TRAM2: variants seen among roughly 807,000 people sequenced by gnomAD.
TRAM2 encodes the protein translocating chain-associated membrane protein 2.
TRAM2 carries 12 observed loss-of-function variants against 51.0 expected under a neutral mutation model. The ratio of observed to expected loss-of-function variants is 0.24; its 90% CI spans 0.15 to 0.38. The LOEUF (loss-of-function observed/expected upper bound fraction) is 0.38. Ranked by LOEUF, TRAM2 falls within the 10% of genes least tolerant of loss-of-function variation. TRAM2 has a pLI of 1.00. For missense variants in TRAM2, 361 were observed against 462.0 expected (o/e 0.78, Z 2.00); for synonymous variants, 175 against 179.4 (o/e 0.98, Z 0.20).
chr6:52,514,664 G>T (rs1766511107), intron 4 of TRAM2, among the ~76,000 whole-genome samples: 1 of 152,236 alleles, frequency 6.6e-6, no homozygotes, highest in Non-Finnish European at 1.5e-5. Context: ...CACAGCTGGG[G>T]TGGAATGTTT....
chr6:52,519,582 T>C (rs748845405), intron 2 of TRAM2, among the ~76,000 whole-genome samples: 12 of 152,214 alleles, frequency 7.9e-5, no homozygotes, highest in South Asian at 4.1e-4. Flanking sequence ...GAAAACAGTA[T>C]AGTGATTCTT....
At chr6:52,528,966 C>G (rs1766834274) in intron 2 of TRAM2, among the ~76,000 whole-genome samples, 1 of 151,406 alleles carries the variant, frequency 6.6e-6, no homozygotes, top group Admixed American at 6.6e-5. Context: ...TCTCAGCTCA[C>G]TGCAACCTCC....
Position 52,503,218 on chromosome 6 carries a change from A to G in TRAM2, c.1092T>C (p.Thr364=), listed in dbSNP as rs761848587. 4 of 1,613,538 alleles carry G rather than the reference A, an allele frequency of 2.5e-6. No individual in the cohort carries two copies. The East Asian group carries it at 8.9e-5, about 36-fold the overall frequency. ...VKAENGTSPR[T]KKLKSP is the part of the protein sequence containing the mutation. ...GGCCTTAGGGAGACTTGAGTTTCTTAGTCCGTGGGGAGGTTCCGTTCTCTG... is the reference window on the plus strand; with the variant it reads ...GGCCTTAGGGAGACTTGAGTTTCTTGGTCCGTGGGGAGGTTCCGTTCTCTG... The change falls in exon 11 of 11, where the codon ACT becomes ACC. Residue 364 remains threonine (T), a synonymous_variant. Coordinates refer to ENST00000182527, the MANE Select transcript of TRAM2 (RefSeq NM_012288.4).
intron 1 of TRAM2, among the ~76,000 whole-genome samples, chr6:52,541,875 G>C (rs113028356): frequency 1.9e-3 from 276 of 148,206 alleles, no homozygotes; most frequent in African/African-American, 6.8e-3. Context: ...ACCAGCCCCC[G>C]GGGGCAGACA....
At chr6:52,543,693 C>T (rs142537950) in intron 1 of TRAM2, among the ~76,000 whole-genome samples, 9 of 152,230 alleles carry the variant, frequency 5.9e-5, no homozygotes, top group African/African-American at 2.2e-4. Flanking sequence ...AAGATGTTTT[C>T]GCTCCGTAAG....
chr6:52,516,557 T>A, intron 3 of TRAM2, 71 bp downstream of exon 3: 1 of 1,319,684 alleles, frequency 7.6e-7, no homozygotes, highest in Non-Finnish European at 1.1e-6. Flanking sequence ...TGCAGTTTCC[T>A]CCAAGGCCAG....
At chr6:52,516,556 C>A in intron 3 of TRAM2, 72 bp downstream of exon 3, 2 of 1,302,076 alleles carry the variant, frequency 1.5e-6, no homozygotes, top group Admixed American at 1.7e-5. Context: ...CTGCAGTTTC[C>A]TCCAAGGCCA....
chr6:52,559,866 T>C (rs982575485), intron 1 of TRAM2, among the ~76,000 whole-genome samples: 5 of 152,110 alleles, frequency 3.3e-5, no homozygotes, highest in Non-Finnish European at 1.5e-5. Context: ...TATCTCAAGT[T>C]TTTTTTTCCC....
At chr6:52,534,954 A>G (rs1454693445) in intron 2 of TRAM2, among the ~76,000 whole-genome samples, 2 of 152,116 alleles carry the variant, frequency 1.3e-5, no homozygotes, top group South Asian at 2.1e-4. Context: ...CTCAGCCACT[A>G]TGGGGGAAGC....
intron 1 of TRAM2, among the ~76,000 whole-genome samples, chr6:52,563,758 G>A (rs1210004903): frequency 6.6e-6 from 1 of 151,566 alleles, no homozygotes; most frequent in Non-Finnish European, 1.5e-5. Flanking sequence ...AGAACAGGTG[G>A]GGAGGGACAG....
chr6:52,566,796 A>G (rs1047915992), intron 1 of TRAM2, among the ~76,000 whole-genome samples: 6 of 151,958 alleles, frequency 3.9e-5, no homozygotes, highest in Non-Finnish European at 8.8e-5. Context: ...GCATCCATCT[A>G]TCCCTATTCT....
intron 4 of TRAM2, among the ~76,000 whole-genome samples, chr6:52,514,652 G>T (rs567172227): frequency 1.3e-4 from 20 of 152,378 alleles, no homozygotes; most frequent in Admixed American, 1.3e-3. Flanking sequence ...GTCGCCACGT[G>T]TCACAGCTGG....
intron 1 of TRAM2, among the ~76,000 whole-genome samples, chr6:52,550,265 CCTT>C (rs1224844089): frequency 7.2e-5 from 11 of 152,204 alleles, no homozygotes; most frequent in African/African-American, 2.7e-4. Flanking sequence ...TCTCTCCCTT[CCTT>C]CTTAGTTCTA....
intron 1 of TRAM2, among the ~76,000 whole-genome samples, chr6:52,538,592 C>A (rs1767015317): frequency 6.6e-6 from 1 of 152,192 alleles, no homozygotes; most frequent in African/African-American, 2.4e-5. Flanking sequence ...GTGTTCAACT[C>A]CGGCTGCACA....
At chr6:52,562,883 T>C (rs924299758) in intron 1 of TRAM2, among the ~76,000 whole-genome samples, 3 of 152,238 alleles carry the variant, frequency 2.0e-5, no homozygotes, top group Admixed American at 6.5e-5. Context: ...TATGTAACCA[T>C]ACATTTTCAT....
chr6:52,526,166 C>CAG (rs1766777011), intron 2 of TRAM2, among the ~76,000 whole-genome samples: 2 of 23,698 alleles, frequency 8.4e-5, no homozygotes, highest in Non-Finnish European at 1.7e-4. Context: ...CACACACACA[C>CAG]ACACACACAC....
chr6:52,553,628 G>A (rs1338780206), intron 1 of TRAM2, among the ~76,000 whole-genome samples: 1 of 152,178 alleles, frequency 6.6e-6, no homozygotes, highest in Non-Finnish European at 1.5e-5. Flanking sequence ...CTCACTGCCT[G>A]TACCTCTTTG....
intron 2 of TRAM2, among the ~76,000 whole-genome samples, chr6:52,526,069 CTG>C (rs1369376804): frequency 6.6e-6 from 1 of 151,928 alleles, no homozygotes; most frequent in Non-Finnish European, 1.5e-5. Context: ...GTCTCCAGAA[CTG>C]TGAGACAATA....
chr6:52,539,604 G>A (rs977167408), intron 1 of TRAM2, among the ~76,000 whole-genome samples: 3 of 151,692 alleles, frequency 2.0e-5, no homozygotes, highest in African/African-American at 7.3e-5. Context: ...TTTTTAAACT[G>A]TCTCTTCCTT....
Sources: gnomAD v4.1 joint callset for allele counts (sites outside exome capture counted in the v4.1 genomes callset) on GRCh38, gnomAD v4.1.1 for gene constraint, MANE v1.5 for transcripts, NCBI Gene and HGNC (gene_info 2026-07-23, HGNC 2026-07-21) for gene names.